LAMA4: variants seen among roughly 807,000 people sequenced by gnomAD.
The protein encoded by LAMA4 is laminin subunit alpha 4, also known as laminin subunit alpha-4.
A neutral mutation model predicts 207.1 loss-of-function variants in LAMA4; 127 were observed. The observed-to-expected ratio is 0.61, with a 90% CI of 0.53 to 0.71. The LOEUF is 0.71. Ranked by LOEUF, LAMA4 falls within the 30% of genes least tolerant of loss-of-function variation. The probability of loss-of-function intolerance (pLI) is 0.00; values close to 1 mark genes in which losing one functional copy is unlikely to be tolerated. For synonymous variants in LAMA4, 761 were observed against 816.0 expected (o/e 0.93, Z 1.15); for missense variants, 2,093 against 2,246.5 (o/e 0.93, Z 1.38).
chr6:112,241,106 TATATATATGA>T (rs1786400608), intron 2 of LAMA4, among the ~76,000 whole-genome samples: 2 of 103,594 alleles, frequency 1.9e-5, no homozygotes, highest in African/African-American at 7.6e-5. Context: ...TGAATATATA[TATATATATGA>T]ATATATATAT....
chr6:112,228,039 G>C (rs1202619127), intron 2 of LAMA4, among the ~76,000 whole-genome samples: 3 of 152,230 alleles, frequency 2.0e-5, no homozygotes, highest in African/African-American at 7.2e-5. Context: ...TTAGAGGCCA[G>C]TTTTCTGTCC....
At chr6:112,171,768 G>A (rs1278102096) in intron 12 of LAMA4, 2 of 152,868 alleles carry the variant, frequency 1.3e-5, no homozygotes, top group Admixed American at 6.5e-5. Flanking sequence ...GGTGATGAGT[G>A]TAATTAACTT....
intron 2 of LAMA4, chr6:112,218,409 G>T (rs1784749121): frequency 6.6e-6 from 1 of 152,182 alleles, no homozygotes; most frequent in Non-Finnish European, 1.5e-5. Context: ...ATTTGGCCAG[G>T]TTTGGAAGCA....
chr6:112,243,410 C>A (rs76509334), intron 2 of LAMA4, among the ~76,000 whole-genome samples: 1 of 152,210 alleles, frequency 6.6e-6, no homozygotes, highest in South Asian at 2.1e-4. Context: ...CTTTAACTGG[C>A]GTAAATTTTA....
intron 2 of LAMA4, among the ~76,000 whole-genome samples, chr6:112,230,272 T>G (rs1325531117): frequency 6.6e-6 from 1 of 152,208 alleles, no homozygotes; most frequent in Non-Finnish European, 1.5e-5. Context: ...CCTCTAGACC[T>G]AACTGATTGA....
intron 14 of LAMA4, among the ~76,000 whole-genome samples, chr6:112,156,633 C>A (rs932298890): frequency 6.6e-6 from 1 of 152,006 alleles, no homozygotes; most frequent in Admixed American, 6.6e-5. Context: ...TTCTCAGTCC[C>A]AAACATCGAT....
intron 14 of LAMA4, 81 bp from the exon 15 acceptor site, chr6:112,155,787 ACTT>A: frequency 6.7e-7 from 1 of 1,483,008 alleles, no homozygotes; most frequent in Non-Finnish European, 9.4e-7. Context: ...CTTTTTAAAT[ACTT>A]CTAGGATCAC....
At chr6:112,244,932 G>A (rs1255537980) in intron 2 of LAMA4, among the ~76,000 whole-genome samples, 1 of 152,102 alleles carries the variant, frequency 6.6e-6, no homozygotes, top group Non-Finnish European at 1.5e-5. Context: ...GGTGTCTATT[G>A]GCATTAATGG....
rs143218360 is a variant in LAMA4 at position 112,202,649 on chromosome 6, AT to A, written c.423-962del. Among the ~76,000 whole-genome samples, 792 of 152,318 alleles carry A rather than the reference AT, an allele frequency of 5.2e-3. 23 individuals are homozygous for A. Among genetic ancestry groups the A allele is most frequent in the Admixed American group, 0.036 (552 of 15,304 alleles). ...CTTAAAAAATCAGTCAGAAAACAAT[AT>A]GTGCTTCTCAGTGAAAGGCAACACC... On this transcript the variant is annotated intron_variant, in intron 4 of 38. Transcript: ENST00000230538.
chr6:112,158,615 A>T (rs1168590593), intron 14 of LAMA4, 117 bp downstream of exon 14: 38 of 1,059,398 alleles, frequency 3.6e-5, no homozygotes, highest in Non-Finnish European at 4.8e-5. Flanking sequence ...ACATAAGCAT[A>T]CCCAACCTTA....
Position 112,148,306 on chromosome 6 carries a change from C to A in LAMA4, c.2204G>T (p.Arg735Ile). 1 of 1,614,178 alleles carries A rather than the reference C, an allele frequency of 6.2e-7. No individual in the cohort carries two copies. The highest frequency in any genetic ancestry group is 8.5e-7 in the Non-Finnish European group (1 of 1,180,024). Residue 735 changes from arginine to isoleucine, a missense_variant, in exon 18 of 39, where the codon AGA becomes ATA. By Grantham distance (97) the Arg-to-Ile change is moderately conservative. This residue lies in a region of LAMA4 where 1,704 missense variants were observed against 1,788.4 expected (regional missense o/e 0.95). Transcript: ENST00000230538. ...CCTGTTGGCTTCCTCGGTGATCAGTCTAGACTGCCCCAGGCGCTGCTGGGC... is the reference window on the plus strand; with the variant it reads ...CCTGTTGGCTTCCTCGGTGATCAGTATAGACTGCCCCAGGCGCTGCTGGGC... ...GDAQQRLGQS[R>I]LITEEANRTT... is the part of the protein sequence containing the mutation.
intron 38 of LAMA4, among the ~76,000 whole-genome samples, chr6:112,110,037 C>T (rs976455766): frequency 1.3e-5 from 2 of 152,328 alleles, no homozygotes; most frequent in South Asian, 2.1e-4. Context: ...TAAGCCTCTA[C>T]ATTTTTGCCT....
chr6:112,148,479 G>T, intron 17 of LAMA4, 143 bp from the exon 18 acceptor site: 1 of 767,282 alleles, frequency 1.3e-6, no homozygotes, highest in Non-Finnish European at 2.1e-6. Flanking sequence ...ATAACCATGT[G>T]GCTCACCGAA....
At chr6:112,151,577 G>A (rs909412079) in intron 16 of LAMA4, among the ~76,000 whole-genome samples, 8 of 151,816 alleles carry the variant, frequency 5.3e-5, no homozygotes, top group Non-Finnish European at 7.4e-5. Flanking sequence ...ATCTTTATGC[G>A]TAGCAACCTT....
chr6:112,254,125 G>C lies in LAMA4; in HGVS notation c.26C>G (p.Ser9Trp). 1 of 1,612,924 alleles carries C rather than the reference G, an allele frequency of 6.2e-7. No individual in the cohort carries two copies. The highest frequency in any genetic ancestry group is 8.5e-7 in the Non-Finnish European group (1 of 1,179,948). The part of the protein sequence containing the change: MALSSAWR[S>W]VLPLWLLWSA... ...CCAGAGGAGCCACAGAGGCAGAACC[G>C]AGCGCCAGGCTGAGCTCAAAGCCAT... The change falls in exon 2 of 39, where the codon TCG (serine) becomes TGG (tryptophan). Residue 9 changes from serine to tryptophan, a missense_variant. Coordinates refer to ENST00000230538, the MANE Select transcript of LAMA4 (RefSeq NM_001105206.3).
At chr6:112,130,300 T>TTTTGTGTGTGTG (rs1554329303) in intron 29 of LAMA4, 1 of 367,302 alleles carries the variant, frequency 2.7e-6, no homozygotes, top group African/African-American at 2.2e-5. Flanking sequence ...AGCATTATTT[T>TTTTGTGTGTGTG]TGTGTGTGTG....
At chr6:112,164,615 A>C (rs1488833459) in intron 13 of LAMA4, among the ~76,000 whole-genome samples, 1 of 152,238 alleles carries the variant, frequency 6.6e-6, no homozygotes, top group Non-Finnish European at 1.5e-5. Context: ...AAATGACCTT[A>C]AAGTGATATC....
chr6:112,212,792 C>G (rs1784424089), intron 3 of LAMA4, among the ~76,000 whole-genome samples: 1 of 152,196 alleles, frequency 6.6e-6, no homozygotes, highest in East Asian at 1.9e-4. Flanking sequence ...CAAGAAGTCT[C>G]TATAATCAGT....
At chr6:112,127,874 A>G (rs924787888) in intron 31 of LAMA4, among the ~76,000 whole-genome samples, 2 of 152,218 alleles carry the variant, frequency 1.3e-5, no homozygotes, top group African/African-American at 4.8e-5. Context: ...GAAGGGATTA[A>G]GGGTCCCACT....
Sources: gnomAD v4.1 joint callset for allele counts (sites outside exome capture counted in the v4.1 genomes callset) on GRCh38, gnomAD v4.1.1 for gene constraint, gnomAD v4.1.1 regional missense constraint, MANE v1.5 for transcripts, NCBI Gene and HGNC (gene_info 2026-07-23, HGNC 2026-07-21) for gene names.